TTC28: variants seen among roughly 807,000 people sequenced by gnomAD.
TTC28 encodes tetratricopeptide repeat domain 28.
In TTC28, 61 loss-of-function variants were observed where a neutral mutation model predicts 198.0. The observed-to-expected ratio is 0.31, with a 90% CI of 0.25 to 0.38. The LOEUF (loss-of-function observed/expected upper bound fraction) is 0.38, where lower values mean the gene tolerates loss of function less well. TTC28 is among the 10% of genes least tolerant of loss of function. The pLI is 1.00. For missense variants in TTC28, 2,678 were observed against 3,164.0 expected, an observed-to-expected ratio of 0.85 and a Z score of 3.69; for synonymous variants, 1,171 against 1,297.8, an observed-to-expected ratio of 0.90 and a Z score of 2.10.
At chr22:28,007,042 A>C (rs1937956673) in intron 14 of TTC28, 1 of 152,032 alleles carries the variant, frequency 6.6e-6, no homozygotes, top group Non-Finnish European at 1.5e-5. Context: ...TGGGGGAGGG[A>C]AAGAAAATGC....
At chr22:28,009,236 G>A (rs1451224126) in intron 14 of TTC28, among the ~76,000 whole-genome samples, 2 of 152,202 alleles carry the variant, frequency 1.3e-5, no homozygotes, top group Non-Finnish European at 2.9e-5. Flanking sequence ...TCACATACTG[G>A]TGTAAGGCCT....
chr22:28,548,195 G>A (rs1249918930), intron 2 of TTC28, among the ~76,000 whole-genome samples: 1 of 152,086 alleles, frequency 6.6e-6, no homozygotes, highest in Non-Finnish European at 1.5e-5. Context: ...TGAGGGATAC[G>A]GCCTAGCCCC....
rs960596602 is a variant in TTC28 at position 27,982,536 on chromosome 22, G to C, written c.7131C>G (p.Ile2377Met). 6 of 1,551,782 alleles carry C rather than the reference G, an allele frequency of 3.9e-6. No homozygotes were observed. The highest frequency in any genetic ancestry group is 5.2e-6 in the Non-Finnish European group (6 of 1,147,020). Residue 2377 changes from isoleucine to methionine, a missense_variant, in exon 23 of 23, where the codon ATC (isoleucine) becomes ATG (methionine). By Grantham distance (10) the Ile-to-Met change is conservative (BLOSUM62 1). Coordinates refer to ENST00000397906, the MANE Select transcript of TTC28 (RefSeq NM_001145418.2). This position sits in a 1 kb window ranked among gnomAD's most constrained non-coding sequence, Gnocchi z 5.2. Reference sequence around the variant, plus strand: ...TCATCGTGCCAGGAGCCCCCCGGAAGATCTTCATTGGCCCTGTGGAATGCT... The same window carrying C: ...TCATCGTGCCAGGAGCCCCCCGGAACATCTTCATTGGCCCTGTGGAATGCT... ...TPQHSTGPMK[I>M]FRGAPGTMTS...
intron 3 of TTC28, among the ~76,000 whole-genome samples, chr22:28,304,375 T>C (rs1325521982): frequency 2.0e-5 from 3 of 152,076 alleles, no homozygotes; most frequent in Non-Finnish European, 4.4e-5. Flanking sequence ...TGTGGGATGA[T>C]GCACAGAACA....
intron 2 of TTC28, among the ~76,000 whole-genome samples, chr22:28,332,571 T>C (rs975510586): frequency 3.9e-5 from 6 of 152,086 alleles, no homozygotes; most frequent in Non-Finnish European, 8.8e-5. Flanking sequence ...TCTGAAGTCA[T>C]GGCTCAGCAA....
chr22:28,659,397 T>C (rs2051707967), intron 1 of TTC28, among the ~76,000 whole-genome samples: 1 of 152,098 alleles, frequency 6.6e-6, no homozygotes, highest in Non-Finnish European at 1.5e-5. Flanking sequence ...GCCTCCCAAG[T>C]AGCTGGGCCT....
At chr22:28,640,390 T>G (rs1411834961) in intron 1 of TTC28, among the ~76,000 whole-genome samples, 1 of 150,212 alleles carries the variant, frequency 6.7e-6, no homozygotes, top group Non-Finnish European at 1.5e-5. Context: ...AATTAGAATT[T>G]AAGAAGGGAG....
intron 2 of TTC28, among the ~76,000 whole-genome samples, chr22:28,369,809 T>C (rs567257174): frequency 2.0e-5 from 3 of 152,310 alleles, no homozygotes; most frequent in Non-Finnish European, 4.4e-5. Context: ...CTATAAAAAC[T>C]TTCAGAATAA....
At chr22:28,185,027 C>A (rs779484733) in intron 5 of TTC28, among the ~76,000 whole-genome samples, 2 of 152,134 alleles carry the variant, frequency 1.3e-5, no homozygotes, top group Non-Finnish European at 2.9e-5. Context: ...AATTGATAGT[C>A]ATGGGACTTT....
At chr22:28,012,754 T>C (rs1017551675) in intron 14 of TTC28, among the ~76,000 whole-genome samples, 2 of 152,168 alleles carry the variant, frequency 1.3e-5, no homozygotes, top group African/African-American at 4.8e-5. Context: ...TCAAGTGATC[T>C]GCCCGGCTCG....
intron 2 of TTC28, among the ~76,000 whole-genome samples, chr22:28,535,207 A>G (rs2049240888): frequency 6.6e-6 from 1 of 152,222 alleles, no homozygotes; most frequent in Non-Finnish European, 1.5e-5. Flanking sequence ...TTAGGCAACC[A>G]TATAGCTTTT....
intron 2 of TTC28, among the ~76,000 whole-genome samples, chr22:28,383,833 G>A (rs891914697): frequency 6.6e-6 from 1 of 152,180 alleles, no homozygotes; most frequent in Non-Finnish European, 1.5e-5. Flanking sequence ...TAGCAGCTAG[G>A]ATGATCCTTT....
At chr22:28,609,503 A>G (rs1410880869) in intron 2 of TTC28, among the ~76,000 whole-genome samples, 1 of 152,186 alleles carries the variant, frequency 6.6e-6, no homozygotes, top group Non-Finnish European at 1.5e-5. Flanking sequence ...TGCCCTAGCC[A>G]AGAGAAGCCA....
intron 6 of TTC28, among the ~76,000 whole-genome samples, chr22:28,137,178 C>T (rs1215281483): frequency 6.6e-6 from 1 of 152,110 alleles, no homozygotes; most frequent in Non-Finnish European, 1.5e-5. Flanking sequence ...CTATCCATGG[C>T]ACAATTCCCT....
At chr22:28,013,097 AG>A (rs1233810834) in intron 14 of TTC28, among the ~76,000 whole-genome samples, 1 of 152,234 alleles carries the variant, frequency 6.6e-6, no homozygotes, top group Admixed American at 6.5e-5. Flanking sequence ...AAGGCCAGGC[AG>A]GGAAGGTATA....
chr22:28,307,641 A>G, intron 2 of TTC28, among the ~76,000 whole-genome samples: 1 of 152,196 alleles, frequency 6.6e-6, no homozygotes, highest in Non-Finnish European at 1.5e-5. Context: ...CTTGTATACA[A>G]CCAGCAAATT....
chr22:28,552,788 CCCACGGTCTCCCTCTCCCTCTCTTT>C (rs1331965914), intron 2 of TTC28, among the ~76,000 whole-genome samples: 5 of 145,044 alleles, frequency 3.4e-5, no homozygotes, highest in East Asian at 2.0e-4. Flanking sequence ...TCCCCCTCTC[CCCACGGTCTCCCTCTCCCTCTCTTT>C]CCACGGTCTC....
At chr22:28,002,867 C>T (rs1937767225) in intron 14 of TTC28, among the ~76,000 whole-genome samples, 1 of 151,962 alleles carries the variant, frequency 6.6e-6, no homozygotes, top group South Asian at 2.1e-4. Flanking sequence ...ACCTGTAGTC[C>T]CAACTACTCA....
At chr22:28,076,051 T>G (rs1233175965) in intron 12 of TTC28, among the ~76,000 whole-genome samples, 1 of 152,212 alleles carries the variant, frequency 6.6e-6, no homozygotes, top group East Asian at 1.9e-4. Flanking sequence ...AGAATGAAAT[T>G]GGAAACTCTT....
Sources: allele counts gnomAD v4.1 joint callset (sites outside exome capture counted in the v4.1 genomes callset), GRCh38; gene constraint gnomAD v4.1.1; non-coding constraint Gnocchi (gnomAD v3.1); transcripts MANE v1.5; gene names NCBI Gene and HGNC (gene_info 2026-07-23, HGNC 2026-07-21).